Variants in ASTN2 observed in about 807,000 individuals in gnomAD.
ASTN2 encodes astrotactin 2, also known as astrotactin-2.
ASTN2 carries 54 observed loss-of-function variants against 139.8 expected under a neutral mutation model. That is an observed-to-expected ratio of 0.39 (90% confidence interval 0.31 to 0.48). The LOEUF (loss-of-function observed/expected upper bound fraction) is 0.48, where lower values mean the gene tolerates loss of function less well. Ranked by LOEUF, ASTN2 falls within the 20% of genes least tolerant of loss-of-function variation. The probability of loss-of-function intolerance (pLI) is 0.95; values close to 1 mark genes in which losing one functional copy is unlikely to be tolerated. For missense variants in ASTN2, 1,565 were observed against 1,725.1 expected (o/e 0.91, Z 1.64); for synonymous variants, 756 against 719.5 (o/e 1.05, Z -0.81).
intron 7 of ASTN2, among the ~76,000 whole-genome samples, chr9:116,993,477 C>T (rs1411885542): frequency 6.6e-6 from 1 of 151,462 alleles, no homozygotes; most frequent in East Asian, 2.0e-4. Flanking sequence ...CACACACACA[C>T]ACCCCTCATC....
chr9:116,570,867 C>T (rs1338633442), intron 19 of ASTN2, among the ~76,000 whole-genome samples: 2 of 152,208 alleles, frequency 1.3e-5, no homozygotes, highest in African/African-American at 4.8e-5. Flanking sequence ...ACCATCCTGA[C>T]CTGTCCTGTC....
intron 10 of ASTN2, among the ~76,000 whole-genome samples, chr9:116,897,106 C>T (rs955097889): frequency 5.3e-5 from 8 of 152,168 alleles, no homozygotes; most frequent in African/African-American, 1.7e-4. Flanking sequence ...AGGCCATCAT[C>T]ACTGCCCACC....
chr9:116,558,440 G>T (rs559057544), intron 19 of ASTN2, among the ~76,000 whole-genome samples: 3 of 152,098 alleles, frequency 2.0e-5, no homozygotes, highest in African/African-American at 7.2e-5. Context: ...GTGAGTGACT[G>T]AGCCAGAATT....
At chr9:116,478,828 C>T (rs1393684199) in intron 20 of ASTN2, among the ~76,000 whole-genome samples, 2 of 151,782 alleles carry the variant, frequency 1.3e-5, no homozygotes, top group Non-Finnish European at 2.9e-5. Flanking sequence ...CCCATCTCTA[C>T]TAAAAATACA....
intron 13 of ASTN2, among the ~76,000 whole-genome samples, chr9:116,761,307 T>G (rs1829667229): frequency 6.6e-6 from 1 of 152,212 alleles, no homozygotes; most frequent in Non-Finnish European, 1.5e-5. Flanking sequence ...ATTCATTCAC[T>G]TAATGATTAA....
chr9:116,698,508 G>A lies in ASTN2; in HGVS notation c.2806+27263C>T. 6.2e-7 allele frequency: 1 copy of A among 1,613,844 alleles called. No homozygotes were observed. The highest frequency in any genetic ancestry group is 8.5e-7 in the Non-Finnish European group (1 of 1,180,024). On this transcript the variant is annotated intron_variant, in intron 16 of 22. Transcript: ENST00000313400. The surrounding 1 kb of genome is among the most constrained non-coding windows in gnomAD (Gnocchi z 4.4). ...GCAGGCAGATGTAGCACTACTGGAG[G>A]AGACAGCTGATGAGGAGGAGCCAGA...
rs145294773 is a variant in ASTN2 at position 117,181,082 on chromosome 9, C to T, written c.1015+33276G>A. ...ATCTGAAAGGCCTGTTTCCATGGTCCCTTAAAGCAACCCATACAACAAACA... is the reference window on the plus strand; with the variant it reads ...ATCTGAAAGGCCTGTTTCCATGGTCTCTTAAAGCAACCCATACAACAAACA... On this transcript the variant is annotated intron_variant, in intron 3 of 22. Transcript: ENST00000313400. 35 of 1,211,486 alleles carry T rather than the reference C, an allele frequency of 2.9e-5. No individual in the cohort carries two copies. The East Asian group carries it at 7.9e-4, about 27-fold the overall frequency. The allele number at this position is 1,211,486 out of a possible 1,614,324, so 75.0% of individuals were successfully genotyped here. A position where few individuals can be genotyped will look rare whatever the true frequency, so the allele number is the denominator to read the frequency against.
chr9:116,985,761 G>C (rs930191867), intron 7 of ASTN2, among the ~76,000 whole-genome samples: 1 of 152,116 alleles, frequency 6.6e-6, no homozygotes, highest in South Asian at 2.1e-4. Context: ...AACACAGGAC[G>C]CTTAACATGG....
intron 6 of ASTN2, among the ~76,000 whole-genome samples, chr9:117,021,765 T>C (rs750983019): frequency 1.3e-5 from 2 of 152,174 alleles, no homozygotes. Flanking sequence ...TGGGAGGTAA[T>C]ACATGTAAAT....
chr9:116,642,132 C>A (rs1219383095), intron 17 of ASTN2, among the ~76,000 whole-genome samples: 148 of 48,892 alleles, frequency 3.0e-3, no homozygotes, highest in Non-Finnish European at 3.8e-3. Flanking sequence ...TCCCAACCCA[C>A]AAAAAAAAAA....
At chr9:116,917,586 A>C (rs1390154534) in intron 10 of ASTN2, among the ~76,000 whole-genome samples, 1 of 152,236 alleles carries the variant, frequency 6.6e-6, no homozygotes, top group African/African-American at 2.4e-5. Context: ...GCAGAATCCC[A>C]GGCCTCATCC....
intron 2 of ASTN2, among the ~76,000 whole-genome samples, chr9:117,238,317 G>T (rs1436521220): frequency 6.6e-6 from 1 of 152,162 alleles, no homozygotes; most frequent in African/African-American, 2.4e-5. Flanking sequence ...ATAGTGAGAT[G>T]TCAGGGATAT....
At chr9:116,634,713 T>C (rs1203424959) in intron 17 of ASTN2, among the ~76,000 whole-genome samples, 1 of 152,194 alleles carries the variant, frequency 6.6e-6, no homozygotes, top group African/African-American at 2.4e-5. Context: ...ATTTTTATTC[T>C]TTGTAATATT....
chr9:116,799,780 A>T (rs1372169946), intron 13 of ASTN2, among the ~76,000 whole-genome samples: 2 of 151,940 alleles, frequency 1.3e-5, no homozygotes, highest in African/African-American at 4.8e-5. Flanking sequence ...ATCTCACTTG[A>T]ATAGTCTGTC....
At chr9:116,551,810 A>T (rs1191165537) in intron 19 of ASTN2, among the ~76,000 whole-genome samples, 1 of 152,210 alleles carries the variant, frequency 6.6e-6, no homozygotes. Flanking sequence ...AAAAGACAGT[A>T]TGAGAGGGTA....
rs1332810353 is a variant in ASTN2, at chr9:117,016,628, A to ATC, written c.1424-8370_1424-8369insGA. 1.6e-3 allele frequency among the ~76,000 whole-genome samples: 13 copies of ATC among 8,060 alleles called. 3 individuals carry two copies. Among genetic ancestry groups the ATC allele is most frequent in the Admixed American group, 3.8e-3 (2 of 528 alleles). 5.3% of individuals were successfully genotyped at this position (8,060 alleles called of 152,430 possible). A position where few individuals can be genotyped will look rare whatever the true frequency, so the allele number is the denominator to read the frequency against. On this transcript the variant is annotated intron_variant, in intron 6 of 22. Coordinates refer to ENST00000313400, the MANE Select transcript of ASTN2 (RefSeq NM_001365068.1). ...TCTATATCTATATCTATCTATCTAT[A>ATC]TATATATATATATATATATATATAT...
rs113795526 is a variant in ASTN2, at chr9:117,116,037, C to CAT, written c.1169-19888_1169-19887dup. ...GAGACTCCGCCTCAAAAAAAAAATG[C>CAT]ATATATATATATATATTGCTCCCAT... On this transcript the variant is annotated intron_variant, in intron 4 of 22. Coordinates refer to ENST00000313400, the MANE Select transcript of ASTN2 (RefSeq NM_001365068.1). 9.1e-4 allele frequency among the ~76,000 whole-genome samples: 128 copies of CAT among 140,448 alleles called. 1 individual carries two copies. The highest frequency in any genetic ancestry group is 6.6e-3 in the South Asian group (28 of 4,258). 92.1% of individuals were successfully genotyped at this position (140,448 alleles called of 152,430 possible).
chr9:116,960,345 A>G (rs1054393321), intron 10 of ASTN2, among the ~76,000 whole-genome samples: 4 of 152,126 alleles, frequency 2.6e-5, no homozygotes, highest in Admixed American at 1.3e-4. Context: ...GGCTTAGACT[A>G]TGCATGCCAG....
intron 19 of ASTN2, among the ~76,000 whole-genome samples, chr9:116,603,598 C>T (rs1357726604): frequency 1.3e-5 from 2 of 152,226 alleles, no homozygotes; most frequent in Admixed American, 1.3e-4. Flanking sequence ...GAACCAGTTT[C>T]AGTTGAGGCA....
Sources: gnomAD v4.1 joint callset for allele counts (sites outside exome capture counted in the v4.1 genomes callset) on GRCh38, gnomAD v4.1.1 for gene constraint, Gnocchi (gnomAD v3.1) non-coding constraint, MANE v1.5 for transcripts, NCBI Gene and HGNC (gene_info 2026-07-23, HGNC 2026-07-21) for gene names.